ASIC2: variants seen among roughly 807,000 people sequenced by gnomAD.
ASIC2 encodes the protein acid sensing ion channel subunit 2.
Under a neutral mutation model 57.3 loss-of-function variants are expected in ASIC2, and 25 were observed. The observed-to-expected ratio is 0.44, with a 90% CI of 0.32 to 0.61. The LOEUF (loss-of-function observed/expected upper bound fraction) is 0.61, where lower values mean the gene tolerates loss of function less well. Among genes scored for constraint, ASIC2 ranks in the 20% least tolerant of loss-of-function variants. The pLI, the probability that ASIC2 is intolerant of heterozygous loss-of-function variation, is 0.06. For missense variants in ASIC2, 641 were observed against 738.1 expected, an observed-to-expected ratio of 0.87 and a Z score of 1.52; for synonymous variants, 319 against 307.5, an observed-to-expected ratio of 1.04 and a Z score of -0.39.
At chr17:33,231,817 G>A (rs1178943201) in intron 1 of ASIC2, among the ~76,000 whole-genome samples, 1 of 152,250 alleles carries the variant, frequency 6.6e-6, no homozygotes, top group South Asian at 2.1e-4. Flanking sequence ...ATGCTTTGCT[G>A]GCATCACTCT....
chr17:33,634,780 C>T (rs1357638751), intron 1 of ASIC2: 2 of 150,176 alleles, frequency 1.3e-5, no homozygotes, highest in African/African-American at 4.9e-5. Flanking sequence ...GTCTCAATCT[C>T]CTGACCTCGT....
At chr17:33,469,075 T>C (rs780722362) in intron 1 of ASIC2, among the ~76,000 whole-genome samples, 5 of 152,208 alleles carry the variant, frequency 3.3e-5, no homozygotes, top group Admixed American at 6.5e-5. Flanking sequence ...GTATGCAAAG[T>C]TGGCAGGATG....
intron 1 of ASIC2, among the ~76,000 whole-genome samples, chr17:33,260,681 G>A (rs1909247333): frequency 6.6e-6 from 1 of 152,220 alleles, no homozygotes; most frequent in Admixed American, 6.5e-5. Context: ...GAACCCTGCA[G>A]GCCAGAGATG....
At chr17:33,821,016 A>C (rs1435697713) in intron 1 of ASIC2, among the ~76,000 whole-genome samples, 1 of 152,204 alleles carries the variant, frequency 6.6e-6, no homozygotes, top group African/African-American at 2.4e-5. Flanking sequence ...GGAGTTCTGC[A>C]TTGGGCTTTA....
Position 33,975,499 on chromosome 17 carries a change from GA to G in ASIC2, c.555+180478del, listed in dbSNP as rs200021059. On this transcript the variant is annotated intron_variant, in intron 1 of 9. Transcript: ENST00000359872. The stretch of plus-strand genomic sequence containing the variant: ...CAGAGCCAAAGACATGAACAGAAAA[GA>G]AAAAAAATGCTGACAAGTCTCAGTG... Among the ~76,000 whole-genome samples the G allele has an allele frequency of 6.4e-3, 967 of 151,610 alleles. 9 individuals are homozygous for G. Among genetic ancestry groups the G allele is most frequent in the African/African-American group, 0.021 (881 of 41,356 alleles).
chr17:33,693,211 C>A (rs976013910), intron 1 of ASIC2, among the ~76,000 whole-genome samples: 1 of 151,924 alleles, frequency 6.6e-6, no homozygotes, highest in Non-Finnish European at 1.5e-5. Flanking sequence ...TTAAAAATAT[C>A]CTAACATTAT....
rs568064768 is a variant in ASIC2, at chr17:33,226,439, T to C, written c.708+64969A>G. Among the ~76,000 whole-genome samples the C allele has an allele frequency of 2.2e-3, 342 of 152,330 alleles. 1 individual carries two copies. Among genetic ancestry groups the C allele is most frequent in the Middle Eastern group, 3.4e-3 (1 of 294 alleles). On this transcript the variant is annotated intron_variant, in intron 1 of 9. Transcript: ENST00000225823. ...CCTGCAGTTTAAGATGTCTATAACA[T>C]AGCTAAAATTATAATTTTGAGGCCA...
intron 1 of ASIC2, among the ~76,000 whole-genome samples, chr17:33,665,814 G>A (rs1907453924): frequency 6.6e-6 from 1 of 152,148 alleles, no homozygotes; most frequent in African/African-American, 2.4e-5. Flanking sequence ...GGGAGAGGGA[G>A]TATCTCCCTG....
At chr17:33,242,317 A>G (rs1162997509) in intron 1 of ASIC2, among the ~76,000 whole-genome samples, 1 of 151,032 alleles carries the variant, frequency 6.6e-6, no homozygotes, top group Non-Finnish European at 1.5e-5. Context: ...CTCCGTCAAA[A>G]AAAAAAAAAA....
intron 1 of ASIC2, among the ~76,000 whole-genome samples, chr17:33,270,202 G>A (rs954441464): frequency 6.6e-6 from 1 of 152,148 alleles, no homozygotes; most frequent in Admixed American, 6.5e-5. Context: ...CCCCCAGGTT[G>A]GCAAGTTATT....
At chr17:33,720,846 A>G (rs976691808) in intron 1 of ASIC2, among the ~76,000 whole-genome samples, 46 of 152,184 alleles carry the variant, frequency 3.0e-4, no homozygotes, top group Admixed American at 2.8e-3. Context: ...TCTGTAATTC[A>G]TCATACTGCA....
At chr17:33,352,590 G>A (rs1009823094) in intron 1 of ASIC2, among the ~76,000 whole-genome samples, 3 of 152,090 alleles carry the variant, frequency 2.0e-5, no homozygotes, top group Admixed American at 6.5e-5. Flanking sequence ...TCAAAACCTT[G>A]CAATAGTCTT....
chr17:34,056,733 T>C (rs1024874128), intron 1 of ASIC2, among the ~76,000 whole-genome samples: 4 of 152,226 alleles, frequency 2.6e-5, no homozygotes, highest in Non-Finnish European at 5.9e-5. Flanking sequence ...TCAACTCCTC[T>C]ACCAAATAAC....
At chr17:33,019,451 TTG>T (rs1363305515) in intron 7 of ASIC2, among the ~76,000 whole-genome samples, 1 of 151,626 alleles carries the variant, frequency 6.6e-6, no homozygotes. Flanking sequence ...AGGTGTGCAT[TTG>T]TGTGTGTGGT....
intron 1 of ASIC2, chr17:33,533,405 A>T (rs1277500076): frequency 6.6e-6 from 1 of 152,218 alleles, no homozygotes; most frequent in East Asian, 1.9e-4. Context: ...ACATTCTATT[A>T]TGTAGCCATA....
At chr17:33,621,208 AG>A (rs1905782392) in intron 1 of ASIC2, among the ~76,000 whole-genome samples, 1 of 152,180 alleles carries the variant, frequency 6.6e-6, no homozygotes, top group Non-Finnish European at 1.5e-5. Context: ...TAGTTATGAG[AG>A]TAATATAACT....
At chr17:34,039,741 G>A (rs1013405384) in intron 1 of ASIC2, 12 of 1,612,118 alleles carry the variant, frequency 7.4e-6, no homozygotes, top group Admixed American at 6.7e-5. Context: ...TATCACTCAA[G>A]GATCCGACGC....
At chr17:34,011,127 A>ACAGGCAC (rs1906738629) in intron 1 of ASIC2, among the ~76,000 whole-genome samples, 1 of 7,376 alleles carries the variant, frequency 1.4e-4, no homozygotes, top group African/African-American at 3.8e-4. Flanking sequence ...TGAGTCAGAC[A>ACAGGCAC]CAGGCACACA....
At chr17:33,016,845 G>A (rs2091808638) in intron 8 of ASIC2, among the ~76,000 whole-genome samples, 1 of 152,142 alleles carries the variant, frequency 6.6e-6, no homozygotes, top group Admixed American at 6.5e-5. Context: ...GCACACATTG[G>A]AGGTGAAGTG....
Sources: allele counts gnomAD v4.1 joint callset (sites outside exome capture counted in the v4.1 genomes callset), GRCh38; gene constraint gnomAD v4.1.1; transcripts MANE v1.5; gene names NCBI Gene and HGNC (gene_info 2026-07-23, HGNC 2026-07-21).